Variants in MACROH2A2 observed in about 807,000 individuals in gnomAD.
The protein encoded by MACROH2A2 is macroH2A.2 histone.
MACROH2A2 carries 6 observed loss-of-function variants against 37.6 expected under a neutral mutation model. The ratio of observed to expected loss-of-function variants is 0.16; its 90% CI spans 0.09 to 0.32. The LOEUF (loss-of-function observed/expected upper bound fraction) is 0.32, where lower values mean the gene tolerates loss of function less well. MACROH2A2 is among the 10% of genes least tolerant of loss of function. The pLI, the probability that MACROH2A2 is intolerant of heterozygous loss-of-function variation, is 1.00. For missense variants in MACROH2A2, 290 were observed against 485.9 expected, an observed-to-expected ratio of 0.60 and a Z score of 3.79; for synonymous variants, 192 against 202.7, an observed-to-expected ratio of 0.95 and a Z score of 0.45.
At chr10:70,077,609 AC>A (rs1358845069) in intron 2 of MACROH2A2, among the ~76,000 whole-genome samples, 1 of 152,024 alleles carries the variant, frequency 6.6e-6, no homozygotes, top group Non-Finnish European at 1.5e-5. Context: ...ACAGTGGCTC[AC>A]GCCTGTAATC....
chr10:70,086,163 A>G (rs2072209861), intron 2 of MACROH2A2, among the ~76,000 whole-genome samples: 1 of 152,082 alleles, frequency 6.6e-6, no homozygotes, highest in Non-Finnish European at 1.5e-5. Context: ...TGCCTGGCTA[A>G]TGATTAATGT....
chr10:70,054,499 C>T (rs2072001834), intron 1 of MACROH2A2, among the ~76,000 whole-genome samples: 1 of 152,142 alleles, frequency 6.6e-6, no homozygotes, highest in African/African-American at 2.4e-5. Context: ...TCACTTTGCT[C>T]ATTTGTGTTT....
At chr10:70,098,248 C>T (rs1194863279) in intron 6 of MACROH2A2, 3 of 126,262 alleles carry the variant, frequency 2.4e-5, no homozygotes. Flanking sequence ...GAGACCATGT[C>T]AAGAAATTAA....
chr10:70,056,728 T>G (rs1450571245), intron 1 of MACROH2A2, among the ~76,000 whole-genome samples: 1 of 152,178 alleles, frequency 6.6e-6, no homozygotes, highest in Non-Finnish European at 1.5e-5. Flanking sequence ...CAGCTAGTCC[T>G]CATTCTTCAA....
rs898737947 is a variant in MACROH2A2, at chr10:70,053,959, C to T, written c.-60+959C>T. Among the ~76,000 whole-genome samples the T allele has an allele frequency of 6.6e-6, 1 of 152,212 alleles. No individual in the cohort carries two copies. The highest frequency in any genetic ancestry group is 2.4e-5 in the African/African-American group (1 of 41,468). Reference sequence around the variant, plus strand: ...GGCGGTTGGGGACCAGCCCTGCCTCCCCCGGCTCCCAGCCTCCAGCCCCGG... The same window carrying T: ...GGCGGTTGGGGACCAGCCCTGCCTCTCCCGGCTCCCAGCCTCCAGCCCCGG... On this transcript the variant is annotated intron_variant, in intron 1 of 8. Coordinates refer to ENST00000373255, the MANE Select transcript of MACROH2A2 (RefSeq NM_018649.3). The surrounding 1 kb of genome is among the most constrained non-coding windows in gnomAD (Gnocchi z 4.8).
chr10:70,066,656 C>A (rs2072080598), intron 1 of MACROH2A2, among the ~76,000 whole-genome samples: 1 of 152,190 alleles, frequency 6.6e-6, no homozygotes, highest in South Asian at 2.1e-4. Context: ...TTTGTCAACA[C>A]AGAAAAATAT....
At chr10:70,076,857 C>T (rs896330766) in intron 2 of MACROH2A2, among the ~76,000 whole-genome samples, 1 of 152,118 alleles carries the variant, frequency 6.6e-6, no homozygotes, top group East Asian at 1.9e-4. Flanking sequence ...TCTTTAGATG[C>T]TCAGTCCTGC....
chr10:70,080,235 C>T (rs772812300), intron 2 of MACROH2A2, among the ~76,000 whole-genome samples: 5 of 150,806 alleles, frequency 3.3e-5, no homozygotes, highest in Admixed American at 2.6e-4. Flanking sequence ...GCCGAGATCG[C>T]GTCATTGCAC....
intron 4 of MACROH2A2, 136 bp from the exon 5 acceptor site, chr10:70,093,599 A>C (rs1396393675): frequency 1.7e-6 from 1 of 590,518 alleles, no homozygotes; most frequent in Non-Finnish European, 3.1e-6. Context: ...CCCCTCCTTC[A>C]AGAAACAGCA....
At chr10:70,063,787 C>T (rs577659681) in intron 1 of MACROH2A2, among the ~76,000 whole-genome samples, 8 of 152,262 alleles carry the variant, frequency 5.3e-5, no homozygotes, top group Admixed American at 5.2e-4. Context: ...GGGGTAGGGG[C>T]TGGTGTGGTT....
chr10:70,109,310 C>A, intron 8 of MACROH2A2, 103 bp downstream of exon 8: 1 of 961,820 alleles, frequency 1.0e-6, no homozygotes, highest in Non-Finnish European at 1.6e-6. Flanking sequence ...GCTGCCAGCA[C>A]AGCCAAGTAT....
chr10:70,083,553 G>A (rs937943520), intron 2 of MACROH2A2, among the ~76,000 whole-genome samples: 1 of 151,986 alleles, frequency 6.6e-6, no homozygotes, highest in Non-Finnish European at 1.5e-5. Context: ...TGGGGCCACA[G>A]GCATGGCCAG....
chr10:70,106,022 G>A (rs755914842), intron 7 of MACROH2A2, among the ~76,000 whole-genome samples: 30 of 152,090 alleles, frequency 2.0e-4, no homozygotes, highest in Non-Finnish European at 3.2e-4. Flanking sequence ...AAGAAGAGAG[G>A]CCATTGTGGG....
chr10:70,075,453 G>C lies in MACROH2A2; in HGVS notation c.-59-147G>C. 1.8e-6 allele frequency: 1 copy of C among 560,240 alleles called. No individual in the cohort carries two copies. Among genetic ancestry groups the C allele is most frequent in the South Asian group, 2.2e-5 (1 of 45,134 alleles). The allele number at this position is 560,240 out of a possible 1,614,324, so 34.7% of individuals were successfully genotyped here. On this transcript the variant is annotated intron_variant, in intron 1 of 8. Transcript: ENST00000373255. The surrounding 1 kb of genome is among the most constrained non-coding windows in gnomAD (Gnocchi z 5.0). ...CTTCAGAGACCCCATGCCTGACTCCGTGCCTCCTGCACCTGCAGTAGCAGC... is the reference window on the plus strand; with the variant it reads ...CTTCAGAGACCCCATGCCTGACTCCCTGCCTCCTGCACCTGCAGTAGCAGC...
At chr10:70,104,014 A>T (rs925890073) in intron 7 of MACROH2A2, among the ~76,000 whole-genome samples, 1 of 152,218 alleles carries the variant, frequency 6.6e-6, no homozygotes, top group Admixed American at 6.5e-5. Context: ...AAGGAAGGAG[A>T]GGGCTACAGG....
intron 2 of MACROH2A2, among the ~76,000 whole-genome samples, chr10:70,076,165 G>T (rs766069255): frequency 6.6e-6 from 1 of 152,200 alleles, no homozygotes; most frequent in Non-Finnish European, 1.5e-5. Flanking sequence ...AAAATAAACT[G>T]CAGGGAGAAT....
At chr10:70,095,868 C>T in intron 6 of MACROH2A2, 115 bp downstream of exon 6, 1 of 626,202 alleles carries the variant, frequency 1.6e-6, no homozygotes, top group Middle Eastern at 2.6e-4. Context: ...CCATGTCAAG[C>T]TCTGTCTTTA....
chr10:70,079,565 G>GCGCACACA (rs1386558755), intron 2 of MACROH2A2, among the ~76,000 whole-genome samples: 2,111 of 126,208 alleles, frequency 0.017, 32 homozygotes, highest in African/African-American at 0.031. Context: ...GCGCGCGCGC[G>GCGCACACA]CACACACACA....
At chr10:70,070,639 C>A (rs1417331957) in intron 1 of MACROH2A2, among the ~76,000 whole-genome samples, 1 of 152,072 alleles carries the variant, frequency 6.6e-6, no homozygotes. Context: ...TTACAGGCAC[C>A]CGCCACCACG....
Sources: gnomAD v4.1 joint callset for allele counts (sites outside exome capture counted in the v4.1 genomes callset) on GRCh38, gnomAD v4.1.1 for gene constraint, Gnocchi (gnomAD v3.1) non-coding constraint, MANE v1.5 for transcripts, NCBI Gene and HGNC (gene_info 2026-07-23, HGNC 2026-07-21) for gene names.